PCDHA5: variants seen among roughly 807,000 people sequenced by gnomAD.
The protein encoded by PCDHA5 is protocadherin alpha 5.
PCDHA5 carries 43 observed loss-of-function variants against 61.6 expected under a neutral mutation model. The ratio of observed to expected loss-of-function variants is 0.70; its 90% CI spans 0.55 to 0.90. The LOEUF (loss-of-function observed/expected upper bound fraction) is 0.90. Among genes scored for constraint, PCDHA5 ranks in the 40% least tolerant of loss-of-function variants. The pLI is 0.00. For missense variants in PCDHA5, 1,298 were observed against 1,222.7 expected (o/e 1.06, Z -0.92); for synonymous variants, 627 against 543.9 (o/e 1.15, Z -2.13).
rs781886107 is a variant in PCDHA5 at position 140,870,037 on chromosome 5, A to G, written c.2352+45910A>G. 6.2e-7 allele frequency: 1 copy of G among 1,613,778 alleles called. No individual in the cohort carries two copies. The highest frequency in any genetic ancestry group is 1.7e-5 in the Admixed American group (1 of 60,026). On this transcript the variant is annotated intron_variant, in intron 1 of 3. Coordinates refer to ENST00000529859, the MANE Select transcript of PCDHA5 (RefSeq NM_018908.3). ...CAATGGAACTTTAGATTATGAAGAA[A>G]ACAAGTTTTATAAAATTGAAGTACA... is the stretch of plus-strand genomic sequence containing the variant.
chr5:140,838,075 ATAGTGTGTGTGTGTGTGTGTGTGT>A (rs2150283450), intron 1 of PCDHA5, among the ~76,000 whole-genome samples: 41 of 128,134 alleles, frequency 3.2e-4, no homozygotes, highest in South Asian at 2.7e-4. Context: ...TTATATATAT[ATAGTGTGTGTGTGTGTGTGTGTGT>A]GTGTGTGTGT....
chr5:140,991,968 C>A (rs80040458), intron 3 of PCDHA5, among the ~76,000 whole-genome samples: 1,562 of 151,686 alleles, frequency 0.01, 27 homozygotes, highest in African/African-American at 0.036. Context: ...TTTGGTGGGG[C>A]CATTATTCTG....
chr5:140,882,126 T>C, intron 1 of PCDHA5: 1 of 1,466,718 alleles, frequency 6.8e-7, no homozygotes, highest in East Asian at 2.3e-5. Flanking sequence ...GTTTCTTTCT[T>C]CCTGCAGAAA....
intron 1 of PCDHA5, chr5:140,827,875 C>G (rs2150149520): frequency 7.5e-4 from 485 of 643,822 alleles, no homozygotes; most frequent in Middle Eastern, 4.8e-3. Flanking sequence ...AGCACTGTTA[C>G]GTGAATTGAT....
chr5:140,927,325 C>T, intron 1 of PCDHA5: 6 of 1,614,234 alleles, frequency 3.7e-6, no homozygotes, highest in South Asian at 1.1e-5. Context: ...CCGCTTTACT[C>T]TCCCGAATGC....
chr5:140,899,071 C>T (rs1436283947), intron 1 of PCDHA5, among the ~76,000 whole-genome samples: 1 of 152,106 alleles, frequency 6.6e-6, no homozygotes, highest in African/African-American at 2.4e-5. Flanking sequence ...AGTTGCTTAT[C>T]AGCTTAAGGA....
intron 1 of PCDHA5, chr5:140,871,093 G>C: frequency 1.9e-6 from 3 of 1,613,300 alleles, no homozygotes; most frequent in Non-Finnish European, 2.5e-6. Context: ...CACGGCCACC[G>C]TGCTGGTGTC....
chr5:140,937,195 G>A lies in PCDHA5; in HGVS notation c.2353-41754G>A, dbSNP rs371063672. On this transcript the variant is annotated intron_variant, in intron 1 of 3. Coordinates refer to ENST00000529859, the MANE Select transcript of PCDHA5 (RefSeq NM_018908.3). ...TGGGACTACAGGCGCCCGCCACCAT[G>A]CCCGGCTAATTTTTTGTATTTTTTG... Among the ~76,000 whole-genome samples the A allele has an allele frequency of 1.5e-3, 231 of 151,994 alleles. 5 individuals are homozygous for A. The South Asian group carries it at 0.033, about 22-fold the overall frequency.
rs782421802 is a variant in PCDHA5, at chr5:140,862,804, C to T, written c.2352+38677C>T. The T allele has an allele frequency of 7.0e-6, 4 of 574,030 alleles. No individual in the cohort carries two copies. The African/African-American group carries it at 7.9e-5, about 11-fold the overall frequency. The allele number at this position is 574,030 out of a possible 1,614,324, so 35.6% of individuals were successfully genotyped here. On this transcript the variant is annotated intron_variant, in intron 1 of 3. Coordinates refer to ENST00000529859, the MANE Select transcript of PCDHA5 (RefSeq NM_018908.3). ...ACTGGACTACGAGGAGCTGGAGCTG[C>T]TGCAGTTCTAGGTGAGAGCGCGCGA...
At chr5:140,973,375 C>A (rs2096584404) in intron 1 of PCDHA5, among the ~76,000 whole-genome samples, 1 of 152,182 alleles carries the variant, frequency 6.6e-6, no homozygotes, top group Admixed American at 6.5e-5. Context: ...GCACAATGGT[C>A]AGAATAGACA....
chr5:140,967,044 A>G, intron 1 of PCDHA5: 3 of 1,612,116 alleles, frequency 1.9e-6, no homozygotes, highest in Non-Finnish European at 2.5e-6. Context: ...CTGGAGCTGG[A>G]CCTGACGAGT....
At chr5:140,967,910 A>G (rs2096197842) in intron 1 of PCDHA5, 1 of 1,613,996 alleles carries the variant, frequency 6.2e-7, no homozygotes, top group Non-Finnish European at 8.5e-7. Flanking sequence ...TACACCCAAC[A>G]CCATTGTGGC....
Position 140,978,948 on chromosome 5 carries a change from G to A in PCDHA5, c.2353-1G>A, listed in dbSNP as rs1554239939. On this transcript the variant is annotated splice_acceptor_variant, in intron 1 of 3. Transcript: ENST00000529859. LOFTEE classifies it high-confidence loss of function. ...AGAAAACTCTCTTTGTGATTTTGCA[G>A]CCACGACAGCCCAACCCTGACTGGC... is the stretch of plus-strand genomic sequence containing the variant. 1 of 1,614,128 alleles carries A rather than the reference G, an allele frequency of 6.2e-7. No individual in the cohort carries two copies. The highest frequency in any genetic ancestry group is 8.5e-7 in the Non-Finnish European group (1 of 1,180,018).
intron 1 of PCDHA5, chr5:140,860,422 T>A (rs1554153353): frequency 1.3e-5 from 2 of 152,130 alleles, no homozygotes; most frequent in African/African-American, 4.8e-5. Context: ...ACCATTATCC[T>A]GCAAATATGA....
chr5:140,848,447 C>G, intron 1 of PCDHA5: 1 of 1,507,352 alleles, frequency 6.6e-7, no homozygotes, highest in East Asian at 2.3e-5. Flanking sequence ...ATGATTTCTT[C>G]TAATTTGGAG....
chr5:140,829,774 C>A (rs1293917446), intron 1 of PCDHA5: 3 of 1,613,670 alleles, frequency 1.9e-6, no homozygotes, highest in Non-Finnish European at 2.5e-6. Flanking sequence ...AGAACGACAA[C>A]GCGCCGGCGC....
chr5:140,870,746 TGACG>T, intron 1 of PCDHA5: 1 of 1,613,488 alleles, frequency 6.2e-7, no homozygotes, highest in Non-Finnish European at 8.5e-7. Context: ...AGCAGCAACG[TGACG>T]CTGCAGGTGT....
chr5:140,828,819 A>T, intron 1 of PCDHA5: 2 of 1,614,224 alleles, frequency 1.2e-6, no homozygotes, highest in Middle Eastern at 3.3e-4. Flanking sequence ...CCCACTTTCG[A>T]ACAGTCTGAA....
chr5:140,942,633 G>A (rs1554215141), intron 1 of PCDHA5, among the ~76,000 whole-genome samples: 1 of 151,496 alleles, frequency 6.6e-6, no homozygotes, highest in Admixed American at 6.6e-5. Context: ...AAAAAAAATG[G>A]CAAAAGAGAT....
Sources: gnomAD v4.1 joint callset for allele counts (sites outside exome capture counted in the v4.1 genomes callset) on GRCh38, gnomAD v4.1.1 for gene constraint, MANE v1.5 for transcripts, NCBI Gene and HGNC (gene_info 2026-07-23, HGNC 2026-07-21) for gene names.